PPP1R12B: variants seen among roughly 807,000 people sequenced by gnomAD.
The protein encoded by PPP1R12B is myosin phosphatase target subunit 2.
PPP1R12B carries 76 observed loss-of-function variants against 126.1 expected under a neutral mutation model. The observed-to-expected ratio is 0.60, with a 90% CI of 0.50 to 0.73. The LOEUF is 0.73. Among genes scored for constraint, PPP1R12B ranks in the 30% least tolerant of loss-of-function variants. The pLI, the probability that PPP1R12B is intolerant of heterozygous loss-of-function variation, is 0.00. For synonymous variants in PPP1R12B, 356 were observed against 434.7 expected (o/e 0.82, Z 2.25); for missense variants, 1,052 against 1,205.1 (o/e 0.87, Z 1.88).
At chr1:202,381,940 T>TA (rs1336966134) in intron 1 of PPP1R12B, among the ~76,000 whole-genome samples, 2 of 152,158 alleles carry the variant, frequency 1.3e-5, no homozygotes, top group East Asian at 3.9e-4. Context: ...CCCAAAGGAT[T>TA]ATAAATCATG....
chr1:202,417,506 CAGA>C (rs754423651), intron 2 of PPP1R12B: 85 of 634,762 alleles, frequency 1.3e-4, no homozygotes, highest in Non-Finnish European at 1.6e-4. Flanking sequence ...CTCCCGTGGG[CAGA>C]AGAATCCTGA....
intron 13 of PPP1R12B, among the ~76,000 whole-genome samples, chr1:202,481,692 T>A (rs1677393423): frequency 2.0e-5 from 3 of 152,216 alleles, no homozygotes; most frequent in African/African-American, 7.2e-5. Flanking sequence ...AGTTAGTATA[T>A]TCATCATCCA....
At chr1:202,479,879 G>C (rs1677136778) in intron 13 of PPP1R12B, among the ~76,000 whole-genome samples, 1 of 152,148 alleles carries the variant, frequency 6.6e-6, no homozygotes, top group Non-Finnish European at 1.5e-5. Context: ...TGATACAAGT[G>C]AAAGTTTAAG....
At chr1:202,499,293 C>T (rs752225871) in intron 18 of PPP1R12B, among the ~76,000 whole-genome samples, 7 of 152,034 alleles carry the variant, frequency 4.6e-5, no homozygotes, top group Admixed American at 1.3e-4. Context: ...CTTGCTCTTT[C>T]GCCCAGGTTG....
At chr1:202,354,817 G>GT (rs199774664) in intron 1 of PPP1R12B, among the ~76,000 whole-genome samples, 2,415 of 131,830 alleles carry the variant, frequency 0.018, 27 homozygotes, top group South Asian at 0.041. Flanking sequence ...CTGGCTAATT[G>GT]TTTTTTTTGT....
chr1:202,393,317 A>T (rs1664421776), intron 1 of PPP1R12B, among the ~76,000 whole-genome samples: 2 of 152,242 alleles, frequency 1.3e-5, no homozygotes, highest in Non-Finnish European at 2.9e-5. Flanking sequence ...CTGTTTTAAC[A>T]TTAAAAAAAA....
intron 10 of PPP1R12B, chr1:202,438,333 G>A (rs567128918): frequency 4.8e-6 from 6 of 1,238,034 alleles, no homozygotes; most frequent in South Asian, 1.3e-5. Context: ...ATGGCGGAGG[G>A]GGGCACAGGA....
chr1:202,356,376 A>G (rs534503007), intron 1 of PPP1R12B, among the ~76,000 whole-genome samples: 26 of 152,234 alleles, frequency 1.7e-4, no homozygotes, highest in Admixed American at 6.5e-4. Context: ...AGCAGAAAAC[A>G]CAAGCAGCTG....
At position 202,349,026 on chromosome 1, in the gene PPP1R12B, G is replaced by A. The variant is rs772284075; in HGVS notation, c.175G>A (p.Gly59Ser). 1.2e-6 allele frequency: 2 copies of A among 1,612,442 alleles called. No individual in the cohort carries two copies. The highest frequency in any genetic ancestry group is 1.7e-5 in the Admixed American group (1 of 59,676). Residue 59 changes from glycine (G) to serine (S), a missense_variant, in exon 1 of 24, where the codon GGT (glycine) becomes AGT (serine). By Grantham distance (56) the Gly-to-Ser change is moderately conservative. Coordinates refer to ENST00000608999, the MANE Select transcript of PPP1R12B (RefSeq NM_002481.4). ...GAGCCCCAGGGTCCGCTTCGAGGAC[G>A]GTGCTGTCTTTCTGGCCGCCTGCTC... ...RGSPRVRFED[G>S]AVFLAACSSG...
chr1:202,494,582 TA>T (rs35373351), intron 15 of PPP1R12B, among the ~76,000 whole-genome samples: 45,224 of 127,556 alleles, frequency 0.35, 7,492 homozygotes, highest in Admixed American at 0.42. Context: ...TTCTCAGGTT[TA>T]AAAAAAAAAA....
At chr1:202,406,546 C>T (rs1357142779) in intron 1 of PPP1R12B, among the ~76,000 whole-genome samples, 3 of 152,152 alleles carry the variant, frequency 2.0e-5, no homozygotes, top group African/African-American at 4.8e-5. Context: ...AACTCTATTT[C>T]GGACACCTCT....
At position 202,588,827 on chromosome 1, in the gene PPP1R12B, A is replaced by ATAGATAGATAGAT. The variant is rs1689977841; in HGVS notation, c.*8268_*8280dup. On this transcript the variant is annotated 3_prime_UTR_variant, in exon 24 of 24. Coordinates refer to ENST00000608999, the MANE Select transcript of PPP1R12B (RefSeq NM_002481.4). ...GATTGGCGTTCAAAAGAACCGTAAG[A>ATAGATAGATAGAT]TAGATAGATAGATAGATAGATAGAT... 1 of 120,510 alleles carries ATAGATAGATAGAT rather than the reference A, an allele frequency of 8.3e-6. No individual in the cohort carries two copies. Among genetic ancestry groups the ATAGATAGATAGAT allele is most frequent in the Non-Finnish European group, 1.7e-5 (1 of 59,012 alleles). 7.5% of individuals were successfully genotyped at this position (120,510 alleles called of 1,614,324 possible). A position where few individuals can be genotyped will look rare whatever the true frequency, so the allele number is the denominator to read the frequency against.
intron 19 of PPP1R12B, among the ~76,000 whole-genome samples, chr1:202,560,679 C>T (rs1687423230): frequency 6.6e-6 from 1 of 152,174 alleles, no homozygotes; most frequent in Non-Finnish European, 1.5e-5. Flanking sequence ...CATTCAGTGA[C>T]TTAAAACGCC....
At chr1:202,395,111 T>C (rs1571801535) in intron 1 of PPP1R12B, among the ~76,000 whole-genome samples, 2 of 45,950 alleles carry the variant, frequency 4.4e-5, no homozygotes, top group South Asian at 2.9e-3. Context: ...AGTGAGACTC[T>C]CTCAAAAAAA....
chr1:202,429,707 A>G (rs1472335912), intron 6 of PPP1R12B, among the ~76,000 whole-genome samples: 1 of 152,214 alleles, frequency 6.6e-6, no homozygotes, highest in African/African-American at 2.4e-5. Flanking sequence ...GGGGCCAAAA[A>G]AATCAATGAC....
chr1:202,471,806 T>G, intron 13 of PPP1R12B: 1 of 1,276,788 alleles, frequency 7.8e-7, no homozygotes, highest in Non-Finnish European at 1.1e-6. Flanking sequence ...TTTTTTTTTT[T>G]TTATCCAAAA....
chr1:202,532,311 GT>G (rs1160235459), intron 18 of PPP1R12B, among the ~76,000 whole-genome samples: 3 of 152,166 alleles, frequency 2.0e-5, no homozygotes, highest in Non-Finnish European at 4.4e-5. Flanking sequence ...ATCGCAGCCT[GT>G]TTTATCAGCA....
intron 13 of PPP1R12B, among the ~76,000 whole-genome samples, chr1:202,482,020 C>T (rs890254619): frequency 2.0e-5 from 3 of 151,980 alleles, no homozygotes; most frequent in African/African-American, 7.3e-5. Context: ...GCTTATTTCA[C>T]TTAACCTGAT....
At position 202,591,924 on chromosome 1, in the gene PPP1R12B, A is replaced by G. The variant is rs1435682053; in HGVS notation, c.*11364A>G. ...GCTGAACTGTGAACCCAGGCCGAGA[A>G]AGCCAGCTCGGGCAGGGCCAGCATG... On this transcript the variant is annotated 3_prime_UTR_variant, in exon 24 of 24. Transcript: ENST00000608999. The G allele has an allele frequency of 6.5e-6, 1 of 152,870 alleles. No individual in the cohort carries two copies. Among genetic ancestry groups the G allele is most frequent in the African/African-American group, 2.4e-5 (1 of 41,460 alleles). 9.5% of individuals were successfully genotyped at this position (152,870 alleles called of 1,614,324 possible).
Sources: gnomAD v4.1 joint callset for allele counts (sites outside exome capture counted in the v4.1 genomes callset) on GRCh38, gnomAD v4.1.1 for gene constraint, MANE v1.5 for transcripts, NCBI Gene and HGNC (gene_info 2026-07-23, HGNC 2026-07-21) for gene names.